The following CDH4 variants were observed in gnomAD, a reference collection of about 807,000 sequenced individuals.
CDH4 encodes the protein cadherin 4, also known as cadherin-4.
Under a neutral mutation model 86.0 loss-of-function variants are expected in CDH4, and 33 were observed. The observed-to-expected ratio is 0.38, with a 90% CI of 0.29 to 0.51. The LOEUF is 0.51. Ranked by LOEUF, CDH4 falls within the 20% of genes least tolerant of loss-of-function variation. The probability of loss-of-function intolerance (pLI) is 0.86; values close to 1 mark genes in which losing one functional copy is unlikely to be tolerated. For synonymous variants in CDH4, 555 were observed against 549.4 expected (o/e 1.01, Z -0.14); for missense variants, 1,114 against 1,307.4 (o/e 0.85, Z 2.28).
At chr20:61,716,244 A>G (rs2087951477) in intron 2 of CDH4, among the ~76,000 whole-genome samples, 1 of 151,966 alleles carries the variant, frequency 6.6e-6, no homozygotes, top group South Asian at 2.1e-4. Context: ...CTGGAGCTAT[A>G]AAGGGACAGA....
intron 2 of CDH4, among the ~76,000 whole-genome samples, chr20:61,428,609 C>T (rs889773687): frequency 6.6e-6 from 1 of 152,182 alleles, no homozygotes; most frequent in Non-Finnish European, 1.5e-5. Flanking sequence ...CCCTTTACCA[C>T]GCGGACCACA....
intron 2 of CDH4, among the ~76,000 whole-genome samples, chr20:61,481,233 G>A (rs2085566531): frequency 1.3e-5 from 2 of 152,196 alleles, no homozygotes; most frequent in Admixed American, 6.5e-5. Flanking sequence ...GGGGGAGGGA[G>A]ATGCTTTTGG....
intron 2 of CDH4, among the ~76,000 whole-genome samples, chr20:61,712,769 C>T (rs1335196830): frequency 6.6e-6 from 1 of 152,200 alleles, no homozygotes; most frequent in African/African-American, 2.4e-5. Context: ...TCACGGAAGG[C>T]TCCCCATGCC....
In CDH4 at chr20:61,417,214, C is replaced by G. The variant is rs1427061442; in HGVS notation, c.169+162277C>G. On this transcript the variant is annotated intron_variant, in intron 2 of 15. Coordinates refer to ENST00000614565, the MANE Select transcript of CDH4 (RefSeq NM_001794.5). The surrounding 1 kb of genome is among the most constrained non-coding windows in gnomAD (Gnocchi z 4.0). Reference sequence around the variant, plus strand: ...AGTCCTGGTCTCCAAGAGACTCACTCTTTCTCTCTTGGTCGTGCTCTCTCT... The same window carrying G: ...AGTCCTGGTCTCCAAGAGACTCACTGTTTCTCTCTTGGTCGTGCTCTCTCT... Among the ~76,000 whole-genome samples, 4 of 152,108 alleles carry G rather than the reference C, an allele frequency of 2.6e-5. No homozygotes were observed. The highest frequency in any genetic ancestry group is 1.9e-4 in the East Asian group (1 of 5,176).
intron 2 of CDH4, among the ~76,000 whole-genome samples, chr20:61,685,643 G>T (rs1210424926): frequency 6.6e-6 from 1 of 152,162 alleles, no homozygotes; most frequent in East Asian, 1.9e-4. Context: ...CTGTGTCTCG[G>T]GCTTTGACTA....
intron 2 of CDH4, among the ~76,000 whole-genome samples, chr20:61,560,939 G>A (rs1423218337): frequency 3.3e-5 from 5 of 152,246 alleles, no homozygotes; most frequent in African/African-American, 1.2e-4. Context: ...GGTCACCGCT[G>A]TGACCAGCCG....
chr20:61,423,546 G>A (rs2085191946), intron 2 of CDH4, among the ~76,000 whole-genome samples: 2 of 152,172 alleles, frequency 1.3e-5, no homozygotes, highest in South Asian at 4.1e-4. Flanking sequence ...TATTGCAAAC[G>A]CACTCGGATG....
At chr20:61,258,375 T>C (rs1266857364) in intron 2 of CDH4, among the ~76,000 whole-genome samples, 1 of 148,044 alleles carries the variant, frequency 6.8e-6, no homozygotes, top group Non-Finnish European at 1.5e-5. Flanking sequence ...GGAGCATGTT[T>C]CTAATGACTT....
intron 9 of CDH4, among the ~76,000 whole-genome samples, chr20:61,911,931 C>T (rs1263289919): frequency 6.6e-6 from 1 of 152,184 alleles, no homozygotes; most frequent in Non-Finnish European, 1.5e-5. Context: ...TTTAAATACT[C>T]GAGAGTTGTA....
chr20:61,426,047 C>T (rs932101059), intron 2 of CDH4, among the ~76,000 whole-genome samples: 4 of 152,256 alleles, frequency 2.6e-5, no homozygotes, highest in South Asian at 2.1e-4. Flanking sequence ...GGTGAGACCA[C>T]GGGGAGATTT....
chr20:61,849,801 C>T (rs1048103407), intron 5 of CDH4, among the ~76,000 whole-genome samples: 1 of 152,222 alleles, frequency 6.6e-6, no homozygotes, highest in South Asian at 2.1e-4. Flanking sequence ...GTTCAGCTTT[C>T]GAAGGCCCAT....
At chr20:61,855,871 C>T (rs6089519) in intron 6 of CDH4, among the ~76,000 whole-genome samples, 103,253 of 152,090 alleles carry the variant, frequency 0.68, 36,150 homozygotes, top group East Asian at 0.87. Context: ...TTGAGTGAAA[C>T]GTCCATGGAC....
At chr20:61,372,373 T>A (rs567496132) in intron 2 of CDH4, among the ~76,000 whole-genome samples, 3 of 152,350 alleles carry the variant, frequency 2.0e-5, no homozygotes, top group African/African-American at 7.2e-5. Flanking sequence ...CTCACGTGTC[T>A]ACCCGCACAC....
chr20:61,714,053 T>TTTA (rs1292239695), intron 2 of CDH4, among the ~76,000 whole-genome samples: 2 of 135,826 alleles, frequency 1.5e-5, no homozygotes, highest in Non-Finnish European at 3.1e-5. Flanking sequence ...TTTATTTTAT[T>TTTA]TTATTTTATT....
intron 2 of CDH4, among the ~76,000 whole-genome samples, chr20:61,563,614 A>G (rs1377885696): frequency 6.6e-6 from 1 of 152,204 alleles, no homozygotes; most frequent in African/African-American, 2.4e-5. Flanking sequence ...AACTGGGGCC[A>G]GGTCACTCTG....
At chr20:61,434,910 C>T (rs369378400) in intron 2 of CDH4, 24 of 152,262 alleles carry the variant, frequency 1.6e-4, no homozygotes, top group African/African-American at 5.3e-4. Context: ...TATTCTCACT[C>T]CTTTCTTTTA....
intron 2 of CDH4, among the ~76,000 whole-genome samples, chr20:61,431,290 T>A (rs1403440643): frequency 6.6e-6 from 1 of 152,092 alleles, no homozygotes; most frequent in Non-Finnish European, 1.5e-5. Flanking sequence ...ATTTGTCAAA[T>A]CTTGGCTACT....
chr20:61,701,160 C>T (rs1365576062), intron 2 of CDH4, among the ~76,000 whole-genome samples: 1 of 152,284 alleles, frequency 6.6e-6, no homozygotes, highest in Middle Eastern at 3.4e-3. Context: ...CATCGCCTTC[C>T]CTCTGGGAGT....
At chr20:61,793,602 G>T (rs1979336289) in intron 4 of CDH4, among the ~76,000 whole-genome samples, 1 of 152,028 alleles carries the variant, frequency 6.6e-6, no homozygotes, top group Non-Finnish European at 1.5e-5. Context: ...AGCACTTTGG[G>T]AGGCCGAGGC....
Sources: gnomAD v4.1 joint callset for allele counts (sites outside exome capture counted in the v4.1 genomes callset) on GRCh38, gnomAD v4.1.1 for gene constraint, Gnocchi (gnomAD v3.1) non-coding constraint, MANE v1.5 for transcripts, NCBI Gene and HGNC (gene_info 2026-07-23, HGNC 2026-07-21) for gene names.